The following PCDH15 variants were observed in gnomAD, a reference collection of about 807,000 sequenced individuals.
PCDH15 encodes the protein protocadherin related 15.
In PCDH15, 129 loss-of-function variants were observed where a neutral mutation model predicts 178.5. The ratio of observed to expected loss-of-function variants is 0.72; its 90% CI spans 0.63 to 0.84. The LOEUF is 0.84. Among genes scored for constraint, PCDH15 ranks in the 40% least tolerant of loss-of-function variants. PCDH15 has a pLI of 0.00. For synonymous variants in PCDH15, 800 were observed against 732.0 expected (o/e 1.09, Z -1.50); for missense variants, 2,230 against 2,099.9 (o/e 1.06, Z -1.21).
intron 4 of PCDH15, among the ~76,000 whole-genome samples, chr10:54,372,472 A>G (rs1434709613): frequency 6.6e-6 from 1 of 151,874 alleles, no homozygotes; most frequent in Non-Finnish European, 1.5e-5. Flanking sequence ...ACCGAAGGCA[A>G]AAATTCCCTG....
At chr10:55,200,423 T>C (rs777237272) in intron 1 of PCDH15, among the ~76,000 whole-genome samples, 7 of 152,158 alleles carry the variant, frequency 4.6e-5, no homozygotes, top group Non-Finnish European at 7.3e-5. Flanking sequence ...GTAGCCTCAT[T>C]GTATCATGGA....
At chr10:54,627,435 G>A (rs151152681) in intron 2 of PCDH15, among the ~76,000 whole-genome samples, 2,435 of 152,176 alleles carry the variant, frequency 0.016, 48 homozygotes, top group African/African-American at 0.05. Flanking sequence ...TGGGTCTCAC[G>A]AGATCTGATG....
chr10:55,028,314 T>C (rs1295615627), intron 2 of PCDH15, among the ~76,000 whole-genome samples: 1 of 151,616 alleles, frequency 6.6e-6, no homozygotes, highest in Non-Finnish European at 1.5e-5. Flanking sequence ...CTAAAGAAAA[T>C]AAAAAGTAAG....
chr10:54,998,855 G>T (rs1839716937), intron 2 of PCDH15, among the ~76,000 whole-genome samples: 1 of 152,102 alleles, frequency 6.6e-6, no homozygotes, highest in African/African-American at 2.4e-5. Flanking sequence ...TAGACTTAAA[G>T]ATATTCAGTT....
At chr10:55,626,602 G>A (rs528924028) in intron 2 of PCDH15, among the ~76,000 whole-genome samples, 104 of 152,180 alleles carry the variant, frequency 6.8e-4, no homozygotes, top group African/African-American at 2.4e-3. Context: ...TGCTTGCCAC[G>A]TAAATTGTAA....
In PCDH15 at chr10:53,991,955, G is replaced by A. The variant is rs369858374; in HGVS notation, c.2868+3694C>T. Among the ~76,000 whole-genome samples, 138 of 152,168 alleles carry A rather than the reference G, an allele frequency of 9.1e-4. 5 individuals are homozygous for A. The South Asian group carries it at 0.028, about 31-fold the overall frequency. On this transcript the variant is annotated intron_variant, in intron 21 of 37. Coordinates refer to ENST00000644397, the MANE Select transcript of PCDH15 (RefSeq NM_001384140.1). ...CTGCCCAAGCCAGCAGCCGCAACCC[G>A]CTCGGGTCCCCTTCCACCCTGTGGA...
chr10:54,877,587 CAAAT>C (rs1213958729), intron 3 of PCDH15, among the ~76,000 whole-genome samples: 3 of 151,980 alleles, frequency 2.0e-5, no homozygotes, highest in South Asian at 2.1e-4. Flanking sequence ...CTAAAAGAAA[CAAAT>C]AACATATTAG....
chr10:55,280,538 C>A (rs557129000), intron 1 of PCDH15, among the ~76,000 whole-genome samples: 13 of 150,544 alleles, frequency 8.6e-5, no homozygotes, highest in African/African-American at 2.9e-4. Flanking sequence ...ATCCACCCCC[C>A]TCGGCCTCCC....
chr10:55,098,367 A>G (rs1157224455), intron 2 of PCDH15, among the ~76,000 whole-genome samples: 3 of 152,142 alleles, frequency 2.0e-5, no homozygotes, highest in African/African-American at 7.2e-5. Flanking sequence ...GTAAATAGTG[A>G]AGGTAAGGAA....
chr10:54,229,800 C>T (rs537113924), intron 9 of PCDH15, among the ~76,000 whole-genome samples: 42 of 152,226 alleles, frequency 2.8e-4, no homozygotes, highest in African/African-American at 9.4e-4. Context: ...TTATCAGCAG[C>T]ATGAAAACGG....
At chr10:54,483,767 G>C (rs952263111) in intron 3 of PCDH15, among the ~76,000 whole-genome samples, 7 of 151,604 alleles carry the variant, frequency 4.6e-5, no homozygotes, top group Non-Finnish European at 4.4e-5. Flanking sequence ...GTAGAGAAGA[G>C]TATATTCATT....
intron 1 of PCDH15, among the ~76,000 whole-genome samples, chr10:54,730,081 A>C (rs2132636457): frequency 6.6e-6 from 1 of 151,718 alleles, no homozygotes; most frequent in African/African-American, 2.4e-5. Flanking sequence ...TCATTCTACC[A>C]TGAAGACACA....
At chr10:54,473,996 A>G (rs2136748576) in intron 3 of PCDH15, among the ~76,000 whole-genome samples, 1 of 152,028 alleles carries the variant, frequency 6.6e-6, no homozygotes, top group East Asian at 1.9e-4. Context: ...AGAACACATT[A>G]CATATACATC....
At chr10:55,474,735 T>A (rs373343992) in intron 2 of PCDH15, among the ~76,000 whole-genome samples, 1 of 152,148 alleles carries the variant, frequency 6.6e-6, no homozygotes, top group Non-Finnish European at 1.5e-5. Flanking sequence ...CAATTGCAGC[T>A]GTTAGGCTCA....
At chr10:53,977,426 T>G (rs907311543) in intron 21 of PCDH15, among the ~76,000 whole-genome samples, 1 of 152,234 alleles carries the variant, frequency 6.6e-6, no homozygotes, top group Non-Finnish European at 1.5e-5. Context: ...CTATGGGCCA[T>G]GAGTTCGACA....
chr10:55,289,500 AAAG>A (rs1169180135), intron 1 of PCDH15, among the ~76,000 whole-genome samples: 2 of 151,756 alleles, frequency 1.3e-5, no homozygotes, highest in Non-Finnish European at 2.9e-5. Context: ...GAAAAGAAGG[AAAG>A]AAGAAAGAAA....
intron 16 of PCDH15, among the ~76,000 whole-genome samples, chr10:54,083,755 C>T (rs2094471632): frequency 6.6e-6 from 1 of 152,104 alleles, no homozygotes; most frequent in African/African-American, 2.4e-5. Flanking sequence ...GAATTGTTCA[C>T]TTTAAAATGG....
intron 2 of PCDH15, among the ~76,000 whole-genome samples, chr10:55,457,683 C>CGACGGCTTCCTT (rs1839584472): frequency 6.6e-6 from 1 of 151,952 alleles, no homozygotes; most frequent in Non-Finnish European, 1.5e-5. Context: ...CCTGAGGGCC[C>CGACGGCTTCCTT]GACGGCTTCC....
chr10:53,850,385 T>C (rs1377038383), intron 28 of PCDH15, among the ~76,000 whole-genome samples: 1 of 152,132 alleles, frequency 6.6e-6, no homozygotes, highest in Non-Finnish European at 1.5e-5. Context: ...TAAAGAACTA[T>C]GATTTCTTTA....
Sources: gnomAD v4.1 joint callset for allele counts (sites outside exome capture counted in the v4.1 genomes callset) on GRCh38, gnomAD v4.1.1 for gene constraint, MANE v1.5 for transcripts, NCBI Gene and HGNC (gene_info 2026-07-23, HGNC 2026-07-21) for gene names.